The following CA13 variants were observed in gnomAD, a reference collection of about 807,000 sequenced individuals.
CA13 encodes carbonic anhydrase 13.
CA13 carries 21 observed loss-of-function variants against 31.5 expected under a neutral mutation model. The ratio of observed to expected loss-of-function variants is 0.67; its 90% confidence interval spans 0.47 to 0.96. The LOEUF is 0.96. CA13 is among the 40% of genes least tolerant of loss of function. The pLI, the probability that CA13 is intolerant of heterozygous loss-of-function variation, is 0.00. For missense variants in CA13, 315 were observed against 318.9 expected, an observed-to-expected ratio of 0.99 and a Z score of 0.09; for synonymous variants, 117 against 111.4, an observed-to-expected ratio of 1.05 and a Z score of -0.32.
chr8:85,250,967 G>C (rs373392158), intron 2 of CA13, 30 bp downstream of exon 2: 2 of 1,535,870 alleles, frequency 1.3e-6, no homozygotes, highest in Non-Finnish European at 1.8e-6. Flanking sequence ...TGTGTGTGGT[G>C]GTGGATGAAG....
At chr8:85,266,539 T>G in intron 3 of CA13, 69 bp from the exon 4 acceptor site, 3 of 1,188,208 alleles carry the variant, frequency 2.5e-6, no homozygotes, top group Non-Finnish European at 3.7e-6. Context: ...TGTAAATGTT[T>G]TATTTGCATT....
intron 6 of CA13, among the ~76,000 whole-genome samples, chr8:85,278,153 C>T (rs2130014170): frequency 6.6e-6 from 1 of 150,510 alleles, no homozygotes; most frequent in Admixed American, 6.7e-5. Flanking sequence ...ATAACCTCAG[C>T]TACTCCGGAG....
intron 1 of CA13, among the ~76,000 whole-genome samples, chr8:85,248,575 T>C (rs1195842853): frequency 6.7e-6 from 1 of 150,352 alleles, no homozygotes; most frequent in Non-Finnish European, 1.5e-5. Context: ...GCCTGCAGGG[T>C]CATGGGGGGG....
chr8:85,281,327 A>G lies in CA13; in HGVS notation c.767A>G (p.Lys256Arg), dbSNP rs374385879. The stretch of plus-strand genomic sequence containing the variant: ...CCACCACAGCCTCTAAAGGGCCGCA[A>G]AGTGAGAGCCTCTTTCCATTAAAAA... Reference protein sequence around the residue: ...HRPPQPLKGRKVRASFH With the variant: ...HRPPQPLKGRRVRASFH The change falls in exon 7 of 7, where the codon AAA (lysine) becomes AGA (arginine). Residue 256 changes from lysine to arginine, a missense_variant. Coordinates refer to ENST00000321764, the MANE Select transcript of CA13 (RefSeq NM_198584.3). 1.2e-6 allele frequency: 2 copies of G among 1,613,858 alleles called. No individual in the cohort carries two copies. Among genetic ancestry groups the G allele is most frequent in the African/African-American group, 1.3e-5 (1 of 74,926 alleles).
chr8:85,279,176 A>T (rs926009319), intron 6 of CA13, among the ~76,000 whole-genome samples: 2 of 152,208 alleles, frequency 1.3e-5, no homozygotes, highest in African/African-American at 4.8e-5. Flanking sequence ...AACAGGTCAT[A>T]CCTGCTTCAG....
rs1807424988 is a variant in CA13 at position 85,264,157 on chromosome 8, T to C, written c.355-2451T>C. Among the ~76,000 whole-genome samples, 5 of 152,224 alleles carry C rather than the reference T, an allele frequency of 3.3e-5. No individual in the cohort carries two copies. In the South Asian group the frequency reaches 1.0e-3, roughly 31 times the overall value. Reference sequence around the variant, plus strand: ...ATCGTCCATTCTGTGTTTGGAACTTTATCTAATGAAAGTTTAGGCAGAATA... The same window carrying C: ...ATCGTCCATTCTGTGTTTGGAACTTCATCTAATGAAAGTTTAGGCAGAATA... On this transcript the variant is annotated intron_variant, in intron 3 of 6. Coordinates refer to ENST00000321764, the MANE Select transcript of CA13 (RefSeq NM_198584.3).
At chr8:85,267,812 A>T (rs564865213) in intron 4 of CA13, 90 bp from the exon 5 acceptor site, 9 of 773,308 alleles carry the variant, frequency 1.2e-5, no homozygotes, top group African/African-American at 1.1e-4. Context: ...AGGTTTTTTT[A>T]AAAAATAATT....
intron 3 of CA13, among the ~76,000 whole-genome samples, chr8:85,265,536 C>T (rs977254184): frequency 1.3e-5 from 2 of 151,848 alleles, no homozygotes; most frequent in Non-Finnish European, 2.9e-5. Flanking sequence ...GTTCCAGGCC[C>T]CCCACCTCCT....
chr8:85,273,159 A>T (rs1807551260), intron 6 of CA13, among the ~76,000 whole-genome samples: 1 of 152,218 alleles, frequency 6.6e-6, no homozygotes. Context: ...TGGCTGTGTC[A>T]TATTAAATTC....
intron 6 of CA13, among the ~76,000 whole-genome samples, chr8:85,278,688 G>A (rs1234618658): frequency 2.0e-5 from 3 of 152,178 alleles, no homozygotes; most frequent in Non-Finnish European, 4.4e-5. Flanking sequence ...AATTGGCTGT[G>A]TGTTGAAGCT....
chr8:85,266,517 C>T (rs1807459339), intron 3 of CA13, 91 bp from the exon 4 acceptor site: 1 of 891,082 alleles, frequency 1.1e-6, no homozygotes, highest in Admixed American at 2.0e-5. Flanking sequence ...AAGTGTACAG[C>T]ACCAGAAAAT....
intron 1 of CA13, among the ~76,000 whole-genome samples, chr8:85,248,086 CATCACTGAAAAGTGTAT>C (rs1813761729): frequency 6.6e-6 from 1 of 152,202 alleles, no homozygotes; most frequent in Non-Finnish European, 1.5e-5. Context: ...GCGAATGTGA[CATCACTGAAAAGTGTAT>C]ATCACTGTAG....
At chr8:85,265,830 A>T (rs1246748496) in intron 3 of CA13, among the ~76,000 whole-genome samples, 1 of 152,242 alleles carries the variant, frequency 6.6e-6, no homozygotes, top group Admixed American at 6.5e-5. Context: ...TTAATAAAAA[A>T]GTTTGAATGC....
At chr8:85,247,877 G>C (rs1028626323) in intron 1 of CA13, among the ~76,000 whole-genome samples, 2 of 149,760 alleles carry the variant, frequency 1.3e-5, no homozygotes, top group Admixed American at 1.3e-4. Context: ...GGCCTAACTA[G>C]GCAAGTTTTT....
At chr8:85,276,263 G>C (rs963893012) in intron 6 of CA13, among the ~76,000 whole-genome samples, 3 of 152,214 alleles carry the variant, frequency 2.0e-5, no homozygotes, top group Admixed American at 1.3e-4. Flanking sequence ...CCTCCCCCCG[G>C]GGCAGGGCTC....
At chr8:85,260,173 A>G (rs976760904) in intron 3 of CA13, among the ~76,000 whole-genome samples, 5 of 152,178 alleles carry the variant, frequency 3.3e-5, no homozygotes, top group Admixed American at 1.3e-4. Context: ...TTTTCCTTAT[A>G]ATTGTATTCA....
At chr8:85,262,926 G>A (rs890174396) in intron 3 of CA13, among the ~76,000 whole-genome samples, 6 of 152,158 alleles carry the variant, frequency 3.9e-5, no homozygotes, top group African/African-American at 1.4e-4. Context: ...GGCTTGGTGG[G>A]GTGGGAGAGG....
intron 3 of CA13, among the ~76,000 whole-genome samples, chr8:85,265,753 A>G (rs148469312): frequency 1.3e-5 from 2 of 152,390 alleles, no homozygotes; most frequent in African/African-American, 4.8e-5. Flanking sequence ...ACATTTATAC[A>G]TATATTAAAA....
intron 6 of CA13, among the ~76,000 whole-genome samples, chr8:85,271,091 A>C (rs1807520354): frequency 6.6e-6 from 1 of 152,228 alleles, no homozygotes; most frequent in African/African-American, 2.4e-5. Flanking sequence ...CAATTTATTA[A>C]AATCTGATAT....
Sources: gnomAD v4.1 joint callset for allele counts (sites outside exome capture counted in the v4.1 genomes callset) on GRCh38, gnomAD v4.1.1 for gene constraint, MANE v1.5 for transcripts, NCBI Gene and HGNC (gene_info 2026-07-23, HGNC 2026-07-21) for gene names.